CTSC: variants seen among roughly 807,000 people sequenced by gnomAD.
The protein encoded by CTSC is dipeptidyl peptidase 1.
A neutral mutation model predicts 40.9 loss-of-function variants in CTSC; 37 were observed. That is an observed-to-expected ratio of 0.91 (90% confidence interval 0.70 to 1.19). CTSC has a LOEUF of 1.19. Ranked by LOEUF, CTSC falls within the 50% of genes most tolerant of loss-of-function variation. The pLI, the probability that CTSC is intolerant of heterozygous loss-of-function variation, is 0.00. For synonymous variants in CTSC, 232 were observed against 207.4 expected, an observed-to-expected ratio of 1.12 and a Z score of -1.02; for missense variants, 594 against 567.3, an observed-to-expected ratio of 1.05 and a Z score of -0.48.
intron 2 of CTSC, chr11:88,326,164 C>T (rs1303712352): frequency 1.5e-5 from 19 of 1,305,992 alleles, no homozygotes; most frequent in African/African-American, 3.0e-5. Context: ...TTTTTTTTTC[C>T]TTTCTCCTGT....
intron 3 of CTSC, among the ~76,000 whole-genome samples, chr11:88,310,617 C>A (rs1476674488): frequency 6.6e-6 from 1 of 152,018 alleles, no homozygotes; most frequent in Admixed American, 6.6e-5. Context: ...ATCAGAAAAA[C>A]GTGCAACCAG....
At chr11:88,294,610 G>C in intron 6 of CTSC, 102 bp from the exon 7 acceptor site, 1 of 1,343,334 alleles carries the variant, frequency 7.4e-7, no homozygotes, top group Non-Finnish European at 1.0e-6. Context: ...TGTTACCCCT[G>C]AAAGTTGTTC....
chr11:88,293,931 A>C lies in CTSC; in HGVS notation c.*75T>G. Reference sequence around the variant, plus strand: ...GTAAGCTTCTGAGATTGCTGCTGAAAGTCTACAGTCTGTGAATATACCAAT... The same window carrying C: ...GTAAGCTTCTGAGATTGCTGCTGAACGTCTACAGTCTGTGAATATACCAAT... On this transcript the variant is annotated 3_prime_UTR_variant, in exon 7 of 7. Coordinates refer to ENST00000227266, the MANE Select transcript of CTSC (RefSeq NM_001814.6). 6.7e-7 allele frequency: 1 copy of C among 1,492,160 alleles called. No individual in the cohort carries two copies. The highest frequency in any genetic ancestry group is 2.3e-5 in the East Asian group (1 of 44,232). 92.4% of individuals were successfully genotyped at this position (1,492,160 alleles called of 1,614,324 possible).
intron 4 of CTSC, 97 bp from the exon 5 acceptor site, chr11:88,300,742 C>CTAGG: frequency 1.2e-6 from 1 of 806,790 alleles, no homozygotes; most frequent in Non-Finnish European, 2.1e-6. Flanking sequence ...AGCTACCAGA[C>CTAGG]TAGCTAGGAT....
chr11:88,324,621 C>G lies in CTSC; in HGVS notation c.318+10316G>C, dbSNP rs962904818. 3.0e-6 allele frequency: 3 copies of G among 984,460 alleles called. No homozygotes were observed. In the African/African-American group the frequency reaches 5.3e-5, roughly 17 times the overall value. 61.0% of individuals were successfully genotyped at this position (984,460 alleles called of 1,614,324 possible). On this transcript the variant is annotated intron_variant, in intron 2 of 6. Coordinates refer to ENST00000227266, the MANE Select transcript of CTSC (RefSeq NM_001814.6). ...ATGTGCATTAGGTGTTGAAGATATACAGGGAGAAATACAGATTTTCAATCT... is the reference window on the plus strand; with the variant it reads ...ATGTGCATTAGGTGTTGAAGATATAGAGGGAGAAATACAGATTTTCAATCT...
At chr11:88,330,888 CA>C (rs1461343466) in intron 2 of CTSC, among the ~76,000 whole-genome samples, 7 of 152,100 alleles carry the variant, frequency 4.6e-5, no homozygotes, top group African/African-American at 1.4e-4. Flanking sequence ...CCTGAATAAA[CA>C]GAACTTAATA....
At chr11:88,297,092 T>G (rs1283812538) in intron 5 of CTSC, 2 of 152,254 alleles carry the variant, frequency 1.3e-5, no homozygotes, top group Non-Finnish European at 2.9e-5. Context: ...AGCTAATAGA[T>G]AGCAGGGACA....
chr11:88,322,019 T>C (rs1938028429), intron 2 of CTSC: 1 of 152,224 alleles, frequency 6.6e-6, no homozygotes, highest in East Asian at 1.9e-4. Flanking sequence ...ATGTTGAGCT[T>C]TTCTTCATGT....
rs547440789 is a variant in CTSC at position 88,336,264 on chromosome 11, G to A, written c.173-1182C>T. ...AAAAAAAAAAAAAAAAAAAAGGCCAGGCGTGGTGACTCCCGCCTGTAATCC... is the reference window on the plus strand; with the variant it reads ...AAAAAAAAAAAAAAAAAAAAGGCCAAGCGTGGTGACTCCCGCCTGTAATCC... On this transcript the variant is annotated intron_variant, in intron 1 of 6. Coordinates refer to ENST00000227266, the MANE Select transcript of CTSC (RefSeq NM_001814.6). Among the ~76,000 whole-genome samples the A allele has an allele frequency of 2.7e-5, 4 of 148,586 alleles. No homozygotes were observed. The South Asian group carries it at 8.5e-4, about 32-fold the overall frequency.
chr11:88,313,802 A>G (rs1937820136), intron 2 of CTSC, among the ~76,000 whole-genome samples: 2 of 152,208 alleles, frequency 1.3e-5, no homozygotes, highest in Non-Finnish European at 2.9e-5. Context: ...GAAAGTAGAA[A>G]AAAAAATCCT....
rs1591219654 is a variant in CTSC at position 88,295,996 on chromosome 11, G to T, written c.889+137C>A. The stretch of plus-strand genomic sequence containing the variant: ...AGCAATCATCCATTAATAAGTGATA[G>T]GGCCAGACTTGCACTCAGATTTTCT... On this transcript the variant is annotated intron_variant, in intron 6 of 6. Transcript: ENST00000227266. The T allele has an allele frequency of 3.4e-6, 3 of 889,336 alleles. No individual in the cohort carries two copies. In the East Asian group the frequency reaches 7.5e-5, roughly 22 times the overall value. The allele number at this position is 889,336 out of a possible 1,614,324, so 55.1% of individuals were successfully genotyped here.
chr11:88,314,588 C>G (rs1438023553), intron 2 of CTSC, among the ~76,000 whole-genome samples: 1 of 152,010 alleles, frequency 6.6e-6, no homozygotes, highest in African/African-American at 2.4e-5. Flanking sequence ...AGTACACTGG[C>G]GAGATGTCGG....
intron 2 of CTSC, chr11:88,326,386 A>G (rs749371490): frequency 6.2e-7 from 1 of 1,614,082 alleles, no homozygotes. Flanking sequence ...CTTAGCCCCA[A>G]CGTCTGTTCA....
chr11:88,296,170 G>C lies in CTSC; in HGVS notation c.852C>G (p.Ser284Arg). 6.2e-7 allele frequency: 1 copy of C among 1,613,970 alleles called. No individual in the cohort carries two copies. Among genetic ancestry groups the C allele is most frequent in the Non-Finnish European group, 8.5e-7 (1 of 1,179,918 alleles). The change falls in exon 6 of 7, where the codon AGC (serine) becomes AGG (arginine). Residue 284 changes from serine (S) to arginine (R), a missense_variant. Coordinates refer to ENST00000227266, the MANE Select transcript of CTSC (RefSeq NM_001814.6). ...GGCTACAAGACACAACCTCCTGAGG[G>C]CTTAGGATTGGGGTCTGAGAATTGT... The part of the protein sequence containing the change: ...LTNNSQTPIL[S>R]PQEVVSCSQY...
At chr11:88,329,558 G>C (rs1377550315) in intron 2 of CTSC, among the ~76,000 whole-genome samples, 1 of 151,648 alleles carries the variant, frequency 6.6e-6, no homozygotes, top group Non-Finnish European at 1.5e-5. Flanking sequence ...CAATTTGGTG[G>C]AGAGAATGCT....
chr11:88,323,924 A>C (rs147959910), intron 2 of CTSC: 8 of 152,318 alleles, frequency 5.3e-5, no homozygotes, highest in African/African-American at 1.7e-4. Flanking sequence ...TTTAAAATTC[A>C]TATAGAACCA....
intron 2 of CTSC, chr11:88,321,744 C>T (rs549332330): frequency 7.9e-5 from 12 of 152,264 alleles, no homozygotes; most frequent in Admixed American, 3.3e-4. Flanking sequence ...AATAAACATA[C>T]ATGTGCATGT....
chr11:88,318,371 T>C (rs1336607738), intron 2 of CTSC, among the ~76,000 whole-genome samples: 1 of 152,214 alleles, frequency 6.6e-6, no homozygotes, highest in Non-Finnish European at 1.5e-5. Flanking sequence ...TGGACTGCTA[T>C]GAAAGATATA....
intron 2 of CTSC, 121 bp from the exon 3 acceptor site, chr11:88,312,675 G>A (rs1476472437): frequency 1.9e-6 from 2 of 1,059,586 alleles, no homozygotes; most frequent in Non-Finnish European, 1.4e-6. Context: ...CACCCTGAGA[G>A]GTTACACTGT....
Sources: allele counts gnomAD v4.1 joint callset (sites outside exome capture counted in the v4.1 genomes callset), GRCh38; gene constraint gnomAD v4.1.1; transcripts MANE v1.5; gene names NCBI Gene and HGNC (gene_info 2026-07-23, HGNC 2026-07-21).